The following FHIP1A variants were observed in gnomAD, a reference collection of about 807,000 sequenced individuals.
FHIP1A encodes FHF complex subunit HOOK interacting protein 1A.
In FHIP1A, 61 loss-of-function variants were observed where a neutral mutation model predicts 88.6. The observed-to-expected ratio is 0.69, with a 90% CI of 0.56 to 0.85. The LOEUF (loss-of-function observed/expected upper bound fraction) is 0.85, where lower values mean the gene tolerates loss of function less well. FHIP1A is among the 40% of genes least tolerant of loss of function. The probability of loss-of-function intolerance (pLI) is 0.00; values close to 1 mark genes in which losing one functional copy is unlikely to be tolerated. For missense variants in FHIP1A, 1,154 were observed against 1,273.5 expected (o/e 0.91, Z 1.43); for synonymous variants, 478 against 496.0 (o/e 0.96, Z 0.48).
chr4:151,646,564 G>T lies in FHIP1A; in HGVS notation c.1233G>T (p.Leu411=). Residue 411 remains leucine (L), a synonymous_variant, in exon 10 of 14, where the codon CTG becomes CTT. Transcript: ENST00000435205. ...DVMLQLVLRY[L]IPCNHMMLSQ... ...GTTCTTTTTGTCATTCTAGGTATCT[G>T]ATCCCCTGCAATCACATGATGCTGA... The T allele has an allele frequency of 2.6e-6, 4 of 1,550,706 alleles. No homozygotes were observed. The highest frequency in any genetic ancestry group is 2.6e-6 in the Non-Finnish European group (3 of 1,146,292).
At chr4:151,522,912 AGT>A (rs1334660407) in intron 3 of FHIP1A, among the ~76,000 whole-genome samples, 6 of 151,854 alleles carry the variant, frequency 4.0e-5, no homozygotes, top group Non-Finnish European at 8.8e-5. Flanking sequence ...CGTCAAGGAG[AGT>A]GTGTTTGGTT....
At position 151,509,411 on chromosome 4, in the gene FHIP1A, C is replaced by T. The variant is rs540261538; in HGVS notation, c.-123+26763C>T. Among the ~76,000 whole-genome samples, 378 of 152,122 alleles carry T rather than the reference C, an allele frequency of 2.5e-3. 1 individual carries two copies. Among genetic ancestry groups the T allele is most frequent in the African/African-American group, 8.4e-3 (347 of 41,490 alleles). On this transcript the variant is annotated intron_variant, in intron 3 of 13. Coordinates refer to ENST00000435205, the MANE Select transcript of FHIP1A (RefSeq NM_001109977.3). ...CGATCTCCTGACCTCGTGATCCGCC[C>T]GCCTCAGCCTCCCAAAGTGCTGGGA... is the stretch of plus-strand genomic sequence containing the variant.
intron 1 of FHIP1A, among the ~76,000 whole-genome samples, chr4:151,430,560 C>G (rs182234445): frequency 6.6e-6 from 1 of 152,292 alleles, no homozygotes; most frequent in Non-Finnish European, 1.5e-5. Context: ...TGTGTTATAC[C>G]TTTCTCCAAT....
intron 1 of FHIP1A, among the ~76,000 whole-genome samples, chr4:151,418,872 T>C (rs1039861086): frequency 2.4e-4 from 36 of 152,206 alleles, no homozygotes; most frequent in African/African-American, 7.7e-4. Flanking sequence ...TATTATTATA[T>C]GGCCAATTAT....
chr4:151,537,743 A>G (rs1171739299), intron 3 of FHIP1A, among the ~76,000 whole-genome samples: 1 of 152,190 alleles, frequency 6.6e-6, no homozygotes. Context: ...GCTTGAGGTA[A>G]CTGTGTTAGA....
chr4:151,655,720 C>T (rs1485011116), intron 11 of FHIP1A, among the ~76,000 whole-genome samples: 3 of 152,062 alleles, frequency 2.0e-5, no homozygotes, highest in Non-Finnish European at 4.4e-5. Flanking sequence ...CCCCTGTTGA[C>T]AGTGTTGCTA....
intron 2 of FHIP1A, among the ~76,000 whole-genome samples, chr4:151,467,241 C>A (rs531097435): frequency 1.7e-4 from 26 of 152,246 alleles, no homozygotes; most frequent in African/African-American, 6.0e-4. Flanking sequence ...CATCACTGAT[C>A]GTTAGAGAAA....
chr4:151,550,952 T>A (rs759116809), intron 3 of FHIP1A, among the ~76,000 whole-genome samples: 1 of 152,236 alleles, frequency 6.6e-6, no homozygotes, highest in Non-Finnish European at 1.5e-5. Context: ...TTGTCCTGAA[T>A]TGGGGATGGG....
intron 4 of FHIP1A, among the ~76,000 whole-genome samples, chr4:151,570,155 T>C (rs994378480): frequency 6.6e-6 from 1 of 152,150 alleles, no homozygotes; most frequent in African/African-American, 2.4e-5. Flanking sequence ...TGGCTTCTGT[T>C]ACTCTCTGCC....
intron 1 of FHIP1A, among the ~76,000 whole-genome samples, chr4:151,443,683 C>CTGTGTGTG (rs1491201547): frequency 1.9e-5 from 1 of 51,972 alleles, no homozygotes; most frequent in East Asian, 4.7e-4. Flanking sequence ...AAATGAAGCA[C>CTGTGTGTG]TCTGTGTGTG....
intron 1 of FHIP1A, among the ~76,000 whole-genome samples, chr4:151,420,996 A>G (rs1457640715): frequency 6.6e-6 from 1 of 152,220 alleles, no homozygotes; most frequent in Non-Finnish European, 1.5e-5. Flanking sequence ...CAACTTTTCT[A>G]AGAAAAAAAA....
intron 1 of FHIP1A, among the ~76,000 whole-genome samples, chr4:151,431,863 T>A (rs7677131): frequency 6.6e-6 from 1 of 152,068 alleles, no homozygotes; most frequent in South Asian, 2.1e-4. Context: ...CTGCTTTGTA[T>A]GGCAGGTTTA....
chr4:151,438,547 C>T (rs946483761), intron 1 of FHIP1A, among the ~76,000 whole-genome samples: 1 of 150,926 alleles, frequency 6.6e-6, no homozygotes, highest in Non-Finnish European at 1.5e-5. Context: ...AAATCTACCT[C>T]ACCAGAATTA....
chr4:151,612,709 C>T (rs562923546), intron 7 of FHIP1A, among the ~76,000 whole-genome samples: 25 of 152,240 alleles, frequency 1.6e-4, no homozygotes, highest in African/African-American at 6.0e-4. Context: ...AATGTCCTTT[C>T]CTCCTGTTAA....
At chr4:151,635,174 A>T (rs1469975078) in intron 8 of FHIP1A, among the ~76,000 whole-genome samples, 2 of 151,880 alleles carry the variant, frequency 1.3e-5, no homozygotes, top group Non-Finnish European at 2.9e-5. Context: ...CCACAATGAG[A>T]TATTATCTCA....
At chr4:151,550,229 A>G (rs1392130919) in intron 3 of FHIP1A, among the ~76,000 whole-genome samples, 1 of 152,186 alleles carries the variant, frequency 6.6e-6, no homozygotes, top group Non-Finnish European at 1.5e-5. Flanking sequence ...TTCATCCTTC[A>G]TGTTACAAAC....
chr4:151,543,909 T>A (rs1732389985), intron 3 of FHIP1A, among the ~76,000 whole-genome samples: 1 of 152,220 alleles, frequency 6.6e-6, no homozygotes, highest in Admixed American at 6.5e-5. Context: ...GTTGTATCTA[T>A]TTATTACTTC....
chr4:151,458,242 C>G (rs2709832), intron 2 of FHIP1A, among the ~76,000 whole-genome samples: 79,218 of 152,018 alleles, frequency 0.52, 20,942 homozygotes, highest in African/African-American at 0.55. Flanking sequence ...GGCCACAGAA[C>G]TTTGAATTGC....
At chr4:151,659,496 A>G (rs1737373306) in intron 13 of FHIP1A, among the ~76,000 whole-genome samples, 1 of 152,196 alleles carries the variant, frequency 6.6e-6, no homozygotes, top group South Asian at 2.1e-4. Flanking sequence ...CCCTTTGCCT[A>G]ATGCTGCTGC....
Sources: allele counts gnomAD v4.1 joint callset (sites outside exome capture counted in the v4.1 genomes callset), GRCh38; gene constraint gnomAD v4.1.1; transcripts MANE v1.5; gene names NCBI Gene and HGNC (gene_info 2026-07-23, HGNC 2026-07-21).